CA2: variants seen among roughly 807,000 people sequenced by gnomAD.
The protein encoded by CA2 is carbonic anhydrase 2, also known as carbonate dehydratase II.
CA2 carries 23 observed loss-of-function variants against 27.8 expected under a neutral mutation model. That is an observed-to-expected ratio of 0.83 (90% CI 0.59 to 1.17). The LOEUF is 1.17. Ranked by LOEUF, CA2 falls within the 50% of genes most tolerant of loss-of-function variation. The probability of loss-of-function intolerance (pLI) is 0.00; values close to 1 mark genes in which losing one functional copy is unlikely to be tolerated. For synonymous variants in CA2, 99 were observed against 114.9 expected, an observed-to-expected ratio of 0.86 and a Z score of 0.88; for missense variants, 300 against 314.7, an observed-to-expected ratio of 0.95 and a Z score of 0.35.
chr8:85,466,226 C>CATAATTAATA (rs1251971263), intron 2 of CA2, among the ~76,000 whole-genome samples: 1 of 150,038 alleles, frequency 6.7e-6, no homozygotes, highest in East Asian at 2.0e-4. Context: ...CCCATTCACA[C>CATAATTAATA]ATAGTAGCTG....
intron 6 of CA2, among the ~76,000 whole-genome samples, chr8:85,479,199 T>C (rs10504812): frequency 0.19 from 29,407 of 152,176 alleles, 3,719 homozygotes; most frequent in East Asian, 0.5. Context: ...GTCTCTGTGA[T>C]GCTAAAACAA....
At chr8:85,468,176 C>T (rs7003233) in intron 2 of CA2, among the ~76,000 whole-genome samples, 3,918 of 152,246 alleles carry the variant, frequency 0.026, 178 homozygotes, top group African/African-American at 0.089. Flanking sequence ...GTAAATAAGG[C>T]TTATGTGGAG....
At chr8:85,467,677 G>A (rs1030460188) in intron 2 of CA2, among the ~76,000 whole-genome samples, 1 of 152,062 alleles carries the variant, frequency 6.6e-6, no homozygotes, top group African/African-American at 2.4e-5. Context: ...CTTATTTTAT[G>A]TATGAAGTTA....
In CA2 at chr8:85,473,719, A is replaced by T; in HGVS notation, c.259A>T (p.Thr87Ser). ...AVLKGGPLDG[T>S]YRLIQFHFHW... The stretch of plus-strand genomic sequence containing the variant: ...GCTCAAGGGAGGACCCCTGGATGGC[A>T]CTTACAGATTGATTCAGTTTCACTT... Residue 87 changes from threonine to serine, a missense_variant, in exon 3 of 7, where the codon ACT becomes TCT. Coordinates refer to ENST00000285379, the MANE Select transcript of CA2 (RefSeq NM_000067.3). The T allele has an allele frequency of 1.2e-6, 2 of 1,607,764 alleles. No individual in the cohort carries two copies. Among genetic ancestry groups the T allele is most frequent in the Non-Finnish European group, 1.7e-6 (2 of 1,174,270 alleles).
chr8:85,469,657 T>G (rs1811685852), intron 2 of CA2, among the ~76,000 whole-genome samples: 1 of 152,188 alleles, frequency 6.6e-6, no homozygotes, highest in African/African-American at 2.4e-5. Context: ...TGCTAACTTA[T>G]TAACTTTTAT....
chr8:85,479,191 C>A (rs184370516), intron 6 of CA2, among the ~76,000 whole-genome samples: 38 of 152,254 alleles, frequency 2.5e-4, no homozygotes, highest in Non-Finnish European at 5.0e-4. Flanking sequence ...CAGGCTCTGT[C>A]TCTGTGATGC....
chr8:85,480,979 G>A lies in CA2; in HGVS notation c.*190G>A, dbSNP rs775991478. Reference sequence around the variant, plus strand: ...AATTGTCATGCTTGACACAACTGCTGTGGCTGGTTGGTGCTTTGTTTATGG... The same window carrying A: ...AATTGTCATGCTTGACACAACTGCTATGGCTGGTTGGTGCTTTGTTTATGG... On this transcript the variant is annotated 3_prime_UTR_variant, in exon 7 of 7. Transcript: ENST00000285379. 2.9e-5 allele frequency: 18 copies of A among 614,748 alleles called. No individual in the cohort carries two copies. The highest frequency in any genetic ancestry group is 2.1e-4 in the Admixed American group (8 of 37,920). 38.1% of individuals were successfully genotyped at this position (614,748 alleles called of 1,614,324 possible). A position where few individuals can be genotyped will look rare whatever the true frequency, so the allele number is the denominator to read the frequency against.
rs748199807 is a variant in CA2 at position 85,474,420 on chromosome 8, A to T, written c.444+4A>T. 1.3e-6 allele frequency: 2 copies of T among 1,599,680 alleles called. No individual in the cohort carries two copies. Among genetic ancestry groups the T allele is most frequent in the African/African-American group, 2.7e-5 (2 of 74,598 alleles). Reference sequence around the variant, plus strand: ...CGTTCTAGGTATTTTTTTGAAGGTTAGTTGATGACCCAATTCTTTTTTTTC... The same window carrying T: ...CGTTCTAGGTATTTTTTTGAAGGTTTGTTGATGACCCAATTCTTTTTTTTC... On this transcript the variant is annotated splice_donor_region_variant and intron_variant, in intron 4 of 6. Transcript: ENST00000285379.
At chr8:85,469,003 A>C (rs1313120567) in intron 2 of CA2, among the ~76,000 whole-genome samples, 1 of 152,202 alleles carries the variant, frequency 6.6e-6, no homozygotes, top group Non-Finnish European at 1.5e-5. Flanking sequence ...ACTAAGTAGC[A>C]ATCACTTAAA....
Position 85,465,274 on chromosome 8 carries a change from C to T in CA2, c.37C>T (p.Pro13Ser). 1 of 1,613,714 alleles carries T rather than the reference C, an allele frequency of 6.2e-7. No homozygotes were observed. The highest frequency in any genetic ancestry group is 8.5e-7 in the Non-Finnish European group (1 of 1,179,616). ...HHWGYGKHNG[P>S]EHWHKDFPIA... ...TTCACATGTCTTCTTTCCCCCAGGA[C>T]CTGAGCACTGGCATAAGGACTTCCC... is the stretch of plus-strand genomic sequence containing the variant. The change falls in exon 2 of 7, where the codon CCT (proline) becomes TCT (serine). Residue 13 changes from proline (P) to serine (S), a missense_variant and splice_region_variant. Transcript: ENST00000285379.
intron 6 of CA2, 103 bp from the exon 7 acceptor site, chr8:85,480,567 G>GCC: frequency 8.7e-7 from 1 of 1,154,934 alleles, no homozygotes; most frequent in Non-Finnish European, 1.3e-6. Flanking sequence ...ACAGGCATGA[G>GCC]CCACTGCGCC....
chr8:85,465,580 A>G (rs1811617431), intron 2 of CA2, 111 bp downstream of exon 2: 11 of 858,916 alleles, frequency 1.3e-5, no homozygotes, highest in Middle Eastern at 2.1e-4. Context: ...AGTTTGTCTC[A>G]GGACTCAAGG....
At chr8:85,475,316 A>G (rs114384689) in intron 4 of CA2, among the ~76,000 whole-genome samples, 1,707 of 129,954 alleles carry the variant, frequency 0.013, 28 homozygotes, top group African/African-American at 0.046. Flanking sequence ...GGTTGCAGTG[A>G]GCTATGATCA....
intron 2 of CA2, among the ~76,000 whole-genome samples, chr8:85,467,675 A>G (rs1811649420): frequency 6.6e-6 from 1 of 152,198 alleles, no homozygotes; most frequent in Admixed American, 6.5e-5. Flanking sequence ...TACTTATTTT[A>G]TGTATGAAGT....
At position 85,474,472 on chromosome 8, in the gene CA2, CAG is replaced by C. The variant is rs1811760859; in HGVS notation, c.444+59_444+60del. 15 of 1,249,658 alleles carry C rather than the reference CAG, an allele frequency of 1.2e-5. No homozygotes were observed. In the South Asian group the frequency reaches 1.3e-4, roughly 11 times the overall value. The allele number at this position is 1,249,658 out of a possible 1,614,324, so 77.4% of individuals were successfully genotyped here. On this transcript the variant is annotated intron_variant, in intron 4 of 6. Transcript: ENST00000285379. Reference sequence around the variant, plus strand: ...CTATTTTTAATAAAGAATGACCAGACAGAGTATTTGTAACATACAGGACATTC... The same window carrying C: ...CTATTTTTAATAAAGAATGACCAGACAGTATTTGTAACATACAGGACATTC...
rs1405612522 is a variant in CA2, at chr8:85,480,680, T to C, written c.674T>C (p.Phe225Ser). ...ISVSSEQVLK[F>S]RKLNFNGEGE... ...TATTGTGTCTTTTAGGTGTTGAAAT[T>C]CCGTAAACTTAACTTCAATGGGGAG... Residue 225 changes from phenylalanine (F) to serine (S), a missense_variant, in exon 7 of 7, where the codon TTC (phenylalanine) becomes TCC (serine). By Grantham distance (155) the Phe-to-Ser change is radical. This residue lies in a region of CA2 where 173 missense variants were observed against 161.0 expected (regional missense o/e 1.07). Coordinates refer to ENST00000285379, the MANE Select transcript of CA2 (RefSeq NM_000067.3). The C allele has an allele frequency of 1.7e-5, 27 of 1,613,418 alleles. No individual in the cohort carries two copies. Among genetic ancestry groups the C allele is most frequent in the Non-Finnish European group, 2.2e-5 (26 of 1,179,438 alleles).
At chr8:85,466,986 A>G (rs1307642308) in intron 2 of CA2, among the ~76,000 whole-genome samples, 2 of 152,326 alleles carry the variant, frequency 1.3e-5, no homozygotes, top group South Asian at 2.1e-4. Context: ...AAAAGAAGTG[A>G]GCTACTTTAG....
At chr8:85,472,134 G>A (rs1331987774) in intron 2 of CA2, among the ~76,000 whole-genome samples, 6 of 152,198 alleles carry the variant, frequency 3.9e-5, no homozygotes, top group Admixed American at 3.9e-4. Flanking sequence ...TTGCTACCAT[G>A]TAAGGATATT....
chr8:85,474,083 T>C (rs1811750394), intron 3 of CA2: 1 of 607,660 alleles, frequency 1.6e-6, no homozygotes, highest in African/African-American at 1.9e-5. Context: ...AGAAATAAAA[T>C]GTGTGCCTTC....
Sources: allele counts gnomAD v4.1 joint callset (sites outside exome capture counted in the v4.1 genomes callset), GRCh38; gene constraint gnomAD v4.1.1; regional missense constraint gnomAD v4.1.1; transcripts MANE v1.5; gene names NCBI Gene and HGNC (gene_info 2026-07-23, HGNC 2026-07-21).